Variants in CELF2 observed in about 807,000 individuals in gnomAD.
CELF2 encodes the protein CUG triplet repeat RNA-binding protein 2.
In CELF2, 8 loss-of-function variants were observed where a neutral mutation model predicts 62.6. That is an observed-to-expected ratio of 0.13 (90% CI 0.07 to 0.23). CELF2 has a LOEUF of 0.23. Among genes scored for constraint, CELF2 ranks in the 10% least tolerant of loss-of-function variants. CELF2 has a pLI of 1.00. For missense variants in CELF2, 333 were observed against 671.0 expected, an observed-to-expected ratio of 0.50 and a Z score of 5.56; for synonymous variants, 258 against 250.0, an observed-to-expected ratio of 1.03 and a Z score of -0.30.
intron 1 of CELF2, among the ~76,000 whole-genome samples, chr10:10,816,935 G>A (rs927645359): frequency 1.5e-4 from 23 of 152,166 alleles, no homozygotes; most frequent in Admixed American, 1.2e-3. Flanking sequence ...CCTTCCTTAA[G>A]AAAGAAAATT....
intron 5 of CELF2, among the ~76,000 whole-genome samples, chr10:11,264,572 T>TA (rs1206331849): frequency 6.6e-6 from 1 of 152,244 alleles, no homozygotes; most frequent in African/African-American, 2.4e-5. Context: ...AAAAATCTCT[T>TA]AGTGTTATTT....
At chr10:11,166,965 C>T (rs2067412212) in intron 2 of CELF2, among the ~76,000 whole-genome samples, 1 of 152,222 alleles carries the variant, frequency 6.6e-6, no homozygotes, top group African/African-American at 2.4e-5. Flanking sequence ...GAAAGGTGGA[C>T]ATGCGTGTCT....
At chr10:10,893,814 G>C (rs1039695817) in intron 1 of CELF2, among the ~76,000 whole-genome samples, 2 of 152,116 alleles carry the variant, frequency 1.3e-5, no homozygotes, top group African/African-American at 4.8e-5. Context: ...ACTATCTCAA[G>C]AACAGCACCG....
intron 2 of CELF2, among the ~76,000 whole-genome samples, chr10:10,991,971 A>G (rs2053488426): frequency 6.6e-6 from 1 of 152,182 alleles, no homozygotes; most frequent in Non-Finnish European, 1.5e-5. Flanking sequence ...CTATTATGCA[A>G]CAAACATTTA....
At chr10:10,552,072 C>A in the CELF2 span, among the ~76,000 whole-genome samples, 1 of 152,088 alleles carries the variant, frequency 6.6e-6, no homozygotes, top group Admixed American at 6.5e-5. Context: ...AAACAAAAGA[C>A]GAGTGGGTGG....
intron 1 of CELF2, among the ~76,000 whole-genome samples, chr10:11,073,270 A>G (rs570804885): frequency 6.6e-6 from 1 of 152,250 alleles, no homozygotes. Flanking sequence ...ATTATGTAGC[A>G]TTTTTCTCTA....
At chr10:11,179,713 G>T (rs1167197112) in intron 2 of CELF2, among the ~76,000 whole-genome samples, 1 of 152,164 alleles carries the variant, frequency 6.6e-6, no homozygotes, top group Admixed American at 6.5e-5. Context: ...GCGTGTGCCT[G>T]TGTTGGGGAG....
At chr10:10,900,926 C>A (rs1378431944) in intron 1 of CELF2, among the ~76,000 whole-genome samples, 1 of 152,176 alleles carries the variant, frequency 6.6e-6, no homozygotes, top group Non-Finnish European at 1.5e-5. Flanking sequence ...TTTCTGTACA[C>A]TGTACCTGTT....
At chr10:10,878,678 C>G (rs1343933497) in intron 1 of CELF2, among the ~76,000 whole-genome samples, 1 of 152,178 alleles carries the variant, frequency 6.6e-6, no homozygotes, top group Admixed American at 6.5e-5. Flanking sequence ...TGGAGGGTTT[C>G]TGAGTGACAA....
At chr10:10,698,332 C>T in the CELF2 span, among the ~76,000 whole-genome samples, 26 of 152,190 alleles carry the variant, frequency 1.7e-4, no homozygotes, top group South Asian at 1.2e-3. Flanking sequence ...TTTATGCAGG[C>T]GAACTGACTT....
chr10:10,623,147 C>T, the CELF2 span, among the ~76,000 whole-genome samples: 18 of 135,792 alleles, frequency 1.3e-4, no homozygotes, highest in African/African-American at 4.8e-4. Flanking sequence ...GTCAGTCACA[C>T]AGGACAGGCA....
chr10:11,301,836 A>G (rs2093782411), intron 9 of CELF2, among the ~76,000 whole-genome samples: 1 of 152,158 alleles, frequency 6.6e-6, no homozygotes, highest in South Asian at 2.1e-4. Context: ...AGGCTCACCC[A>G]TGTCGTGAGG....
Position 11,211,274 on chromosome 10 carries a change from G to T in CELF2, c.272-6151G>T, listed in dbSNP as rs777968028. ...AACCTGGGGAACAGAGTGAGATCCT[G>T]TCTCTTAAAACAAAAATTGCTTTGT... On this transcript the variant is annotated intron_variant, in intron 2 of 12. Coordinates refer to ENST00000633077, the MANE Select transcript of CELF2 (RefSeq NM_001326342.2). The surrounding 1 kb of genome is among the most constrained non-coding windows in gnomAD (Gnocchi z 4.8). Among the ~76,000 whole-genome samples, 2 of 152,324 alleles carry T rather than the reference G, an allele frequency of 1.3e-5. No homozygotes were observed. The highest frequency in any genetic ancestry group is 3.9e-4 in the East Asian group (2 of 5,186).
the CELF2 span, among the ~76,000 whole-genome samples, chr10:10,468,837 C>G: frequency 6.6e-6 from 1 of 151,884 alleles, no homozygotes; most frequent in African/African-American, 2.4e-5. Context: ...TGATCTCATT[C>G]TTCCACCCAA....
intron 1 of CELF2, among the ~76,000 whole-genome samples, chr10:10,832,285 T>TAA (rs1381163758): frequency 2.1e-4 from 30 of 142,114 alleles, no homozygotes; most frequent in Middle Eastern, 7.0e-3. Flanking sequence ...AAAATAAAAA[T>TAA]AAATAAATAA....
intron 10 of CELF2, chr10:11,320,984 G>A: frequency 6.8e-7 from 1 of 1,468,640 alleles, no homozygotes; most frequent in Non-Finnish European, 9.2e-7. Context: ...CCTAGGGAGT[G>A]AGGGTTCTCA....
intron 1 of CELF2, among the ~76,000 whole-genome samples, chr10:10,897,319 G>C (rs1287791456): frequency 6.6e-6 from 1 of 152,194 alleles, no homozygotes; most frequent in Non-Finnish European, 1.5e-5. Flanking sequence ...AGAAAATGTA[G>C]CTGAATTGCC....
chr10:11,136,491 TCA>T (rs1369840629), intron 1 of CELF2, among the ~76,000 whole-genome samples: 1 of 151,992 alleles, frequency 6.6e-6, no homozygotes, highest in African/African-American at 2.4e-5. Context: ...GTAATCCCAG[TCA>T]CTCAGGAGGC....
intron 11 of CELF2, among the ~76,000 whole-genome samples, chr10:11,322,305 G>A (rs1407708365): frequency 6.6e-6 from 1 of 152,206 alleles, no homozygotes; most frequent in Non-Finnish European, 1.5e-5. Context: ...GCAAGTAAGT[G>A]ATCGATTGCC....
Sources: allele counts gnomAD v4.1 joint callset (sites outside exome capture counted in the v4.1 genomes callset), GRCh38; gene constraint gnomAD v4.1.1; non-coding constraint Gnocchi (gnomAD v3.1); transcripts MANE v1.5; gene names NCBI Gene and HGNC (gene_info 2026-07-23, HGNC 2026-07-21).